Variants in KCNIP4 observed in about 807,000 individuals in gnomAD.
The protein encoded by KCNIP4 is potassium voltage-gated channel interacting protein 4.
KCNIP4 carries 12 observed loss-of-function variants against 34.0 expected under a neutral mutation model. That is an observed-to-expected ratio of 0.35 (90% CI 0.23 to 0.57). The LOEUF (loss-of-function observed/expected upper bound fraction) is 0.57, where lower values mean the gene tolerates loss of function less well. Ranked by LOEUF, KCNIP4 falls within the 20% of genes least tolerant of loss-of-function variation. The pLI, the probability that KCNIP4 is intolerant of heterozygous loss-of-function variation, is 0.83. For synonymous variants in KCNIP4, 124 were observed against 102.2 expected (o/e 1.21, Z -1.29); for missense variants, 238 against 311.7 (o/e 0.76, Z 1.78).
chr4:21,338,541 A>C (rs576280483), intron 1 of KCNIP4, among the ~76,000 whole-genome samples: 162 of 151,722 alleles, frequency 1.1e-3, no homozygotes, highest in African/African-American at 3.7e-3. Flanking sequence ...TGGGAACCAA[A>C]GGTTGCAGTG....
chr4:21,877,350 T>G (rs905576388), intron 1 of KCNIP4, among the ~76,000 whole-genome samples: 7 of 151,092 alleles, frequency 4.6e-5, no homozygotes, highest in Non-Finnish European at 1.0e-4. Flanking sequence ...TGAAACTCCA[T>G]CTCAAAAATA....
intron 1 of KCNIP4, among the ~76,000 whole-genome samples, chr4:21,871,343 G>A (rs1231551929): frequency 4.1e-5 from 6 of 147,300 alleles, no homozygotes; most frequent in East Asian, 4.1e-4. Context: ...ACATGCACAC[G>A]TATGTTTACT....
At chr4:21,763,049 T>C (rs1428935075) in intron 1 of KCNIP4, 10 of 1,288,744 alleles carry the variant, frequency 7.8e-6, no homozygotes, top group African/African-American at 1.5e-5. Context: ...TGAATGGACA[T>C]ATGCACAGTT....
chr4:20,745,876 G>C (rs1272099994), intron 5 of KCNIP4, among the ~76,000 whole-genome samples: 2 of 152,086 alleles, frequency 1.3e-5, no homozygotes, highest in African/African-American at 4.8e-5. Context: ...GCCTTACTGG[G>C]TAATGAGATG....
At chr4:21,676,804 C>T (rs890044448) in intron 1 of KCNIP4, among the ~76,000 whole-genome samples, 7 of 151,962 alleles carry the variant, frequency 4.6e-5, no homozygotes, top group Non-Finnish European at 1.0e-4. Flanking sequence ...ATTTATATAA[C>T]TGGACATAAC....
intron 1 of KCNIP4, among the ~76,000 whole-genome samples, chr4:21,441,389 C>T (rs959545499): frequency 1.7e-4 from 26 of 152,036 alleles, no homozygotes; most frequent in Non-Finnish European, 2.8e-4. Context: ...GTGATCCGCC[C>T]GTCTCGGCCT....
At chr4:20,813,185 G>A (rs1578680352) in intron 3 of KCNIP4, among the ~76,000 whole-genome samples, 1 of 152,084 alleles carries the variant, frequency 6.6e-6, no homozygotes, top group African/African-American at 2.4e-5. Context: ...AGAATGGCAG[G>A]AAGCTAATGA....
chr4:20,870,178 T>C (rs1198124537), intron 2 of KCNIP4, among the ~76,000 whole-genome samples: 3 of 152,090 alleles, frequency 2.0e-5, no homozygotes, highest in South Asian at 2.1e-4. Context: ...TCATGTTGAA[T>C]TGTAATTCCC....
At chr4:20,774,864 A>G (rs1250785960) in intron 3 of KCNIP4, among the ~76,000 whole-genome samples, 1 of 152,196 alleles carries the variant, frequency 6.6e-6, no homozygotes, top group East Asian at 1.9e-4. Context: ...CCTGCTAGTT[A>G]CATTAAGAAT....
At chr4:21,059,241 A>G (rs890149262) in intron 1 of KCNIP4, among the ~76,000 whole-genome samples, 7 of 152,182 alleles carry the variant, frequency 4.6e-5, no homozygotes, top group Non-Finnish European at 8.8e-5. Context: ...TGTGGGTCTA[A>G]AAATATCCGA....
intron 1 of KCNIP4, among the ~76,000 whole-genome samples, chr4:21,419,162 T>C (rs1725228894): frequency 6.6e-6 from 1 of 152,210 alleles, no homozygotes; most frequent in Admixed American, 6.5e-5. Context: ...TTTCCATGCT[T>C]CATTGAGATT....
intron 1 of KCNIP4, among the ~76,000 whole-genome samples, chr4:21,000,159 T>C (rs572086516): frequency 2.6e-5 from 4 of 152,280 alleles, no homozygotes; most frequent in Non-Finnish European, 4.4e-5. Flanking sequence ...CAGAAGGATC[T>C]GCAGCTAACA....
chr4:20,780,068 G>T (rs2149390636), intron 3 of KCNIP4, among the ~76,000 whole-genome samples: 1 of 152,328 alleles, frequency 6.6e-6, no homozygotes, highest in Admixed American at 6.5e-5. Context: ...AAGTAGGGAT[G>T]TTCAAGGGTA....
intron 1 of KCNIP4, among the ~76,000 whole-genome samples, chr4:21,400,579 GTTCT>G (rs1407731651): frequency 2.7e-5 from 2 of 73,204 alleles, no homozygotes; most frequent in African/African-American, 1.1e-4. Flanking sequence ...TCTTCTCTTC[GTTCT>G]TTCTTTCTTC....
intron 1 of KCNIP4, among the ~76,000 whole-genome samples, chr4:21,150,592 A>T (rs543764771): frequency 6.6e-6 from 1 of 152,358 alleles, no homozygotes; most frequent in South Asian, 2.1e-4. Flanking sequence ...GTTTATAAGC[A>T]TAAAGGGAGC....
chr4:21,609,147 A>G (rs926755338), intron 1 of KCNIP4, among the ~76,000 whole-genome samples: 1 of 152,200 alleles, frequency 6.6e-6, no homozygotes, highest in African/African-American at 2.4e-5. Flanking sequence ...GTTTAATAGG[A>G]AGAACAGGAA....
At chr4:21,913,553 T>C (rs1728459398) in intron 1 of KCNIP4, among the ~76,000 whole-genome samples, 1 of 152,214 alleles carries the variant, frequency 6.6e-6, no homozygotes, top group South Asian at 2.1e-4. Flanking sequence ...TTACAAATTA[T>C]GTATTTCAGA....
rs148406541 is a variant in KCNIP4 at position 21,691,962 on chromosome 4, T to A, written c.61+256609A>T. 2.7e-4 allele frequency among the ~76,000 whole-genome samples: 41 copies of A among 152,202 alleles called. No individual in the cohort carries two copies. The East Asian group carries it at 7.2e-3, about 27-fold the overall frequency. The stretch of plus-strand genomic sequence containing the variant: ...ATCCACCCACCTCAGCCTCCCAAAG[T>A]GCCGGGATTACAGGCGTGATCCACC... On this transcript the variant is annotated intron_variant, in intron 1 of 8. Coordinates refer to ENST00000382152, the MANE Select transcript of KCNIP4 (RefSeq NM_025221.6).
intron 1 of KCNIP4, among the ~76,000 whole-genome samples, chr4:21,940,826 G>A (rs1730164799): frequency 6.6e-6 from 1 of 152,016 alleles, no homozygotes; most frequent in African/African-American, 2.4e-5. Flanking sequence ...TTTTATAAAT[G>A]TCTGTTTGTT....
Sources: gnomAD v4.1 joint callset for allele counts (sites outside exome capture counted in the v4.1 genomes callset) on GRCh38, gnomAD v4.1.1 for gene constraint, MANE v1.5 for transcripts, NCBI Gene and HGNC (gene_info 2026-07-23, HGNC 2026-07-21) for gene names.